Variants in PTPN4 observed in about 807,000 individuals in gnomAD.
PTPN4 encodes tyrosine-protein phosphatase non-receptor type 4.
PTPN4 carries 49 observed loss-of-function variants against 135.5 expected under a neutral mutation model. The observed-to-expected ratio is 0.36, with a 90% CI of 0.29 to 0.46. The LOEUF (loss-of-function observed/expected upper bound fraction) is 0.46, where lower values mean the gene tolerates loss of function less well. Ranked by LOEUF, PTPN4 falls within the 20% of genes least tolerant of loss-of-function variation. PTPN4 has a pLI of 1.00. For synonymous variants in PTPN4, 333 were observed against 369.9 expected (o/e 0.90, Z 1.14); for missense variants, 860 against 1,101.0 (o/e 0.78, Z 3.10).
At chr2:119,853,502 A>G (rs1048189165) in intron 2 of PTPN4, among the ~76,000 whole-genome samples, 3 of 151,996 alleles carry the variant, frequency 2.0e-5, no homozygotes, top group African/African-American at 7.2e-5. Context: ...AAAATTTTTT[A>G]TGCTATATCA....
intron 2 of PTPN4, among the ~76,000 whole-genome samples, chr2:119,852,251 A>G (rs1287572359): frequency 6.6e-6 from 1 of 151,962 alleles, no homozygotes; most frequent in Non-Finnish European, 1.5e-5. Flanking sequence ...CCTATTTGGG[A>G]AAAAAAATTA....
At chr2:119,812,185 T>C (rs113587490) in intron 2 of PTPN4, among the ~76,000 whole-genome samples, 3,532 of 152,304 alleles carry the variant, frequency 0.023, 126 homozygotes, top group African/African-American at 0.077. Flanking sequence ...TCTCCAGTTA[T>C]GTACTTTACA....
chr2:119,781,229 A>G (rs1690931698), intron 1 of PTPN4, among the ~76,000 whole-genome samples: 1 of 152,082 alleles, frequency 6.6e-6, no homozygotes, highest in East Asian at 1.9e-4. Flanking sequence ...TTTTTTCTCC[A>G]GAGTCCTAAT....
intron 4 of PTPN4, 33 bp downstream of exon 4, chr2:119,877,398 G>T: frequency 6.2e-7 from 1 of 1,609,132 alleles, no homozygotes; most frequent in Non-Finnish European, 8.5e-7. Flanking sequence ...TGTTTTGCAA[G>T]TTTACTTTAT....
At chr2:119,866,509 T>C (rs1452788858) in intron 3 of PTPN4, among the ~76,000 whole-genome samples, 6 of 152,064 alleles carry the variant, frequency 3.9e-5, no homozygotes, top group African/African-American at 1.2e-4. Flanking sequence ...AATCAGAAGG[T>C]CTACTTTGGA....
intron 23 of PTPN4, among the ~76,000 whole-genome samples, chr2:119,961,455 C>T (rs1215109342): frequency 2.0e-5 from 3 of 152,104 alleles, no homozygotes; most frequent in Non-Finnish European, 2.9e-5. Context: ...CAGAACCCTC[C>T]TATTGTGGGT....
Position 119,934,822 on chromosome 2 carries a change from G to C in PTPN4, c.1219G>C (p.Glu407Gln), listed in dbSNP as rs1678957588. 6.2e-7 allele frequency: 1 copy of C among 1,613,906 alleles called. No homozygotes were observed. The highest frequency in any genetic ancestry group is 2.2e-5 in the East Asian group (1 of 44,858). ...PNHRNSTFTQEGTRLRPSSVG... is the reference protein window; with the variant it reads ...PNHRNSTFTQQGTRLRPSSVG... ...TAGTCGAAATTCTACATTCACGCAG[G>C]AAGGAACCCGGTTACGACCATCTTC... is the stretch of plus-strand genomic sequence containing the variant. Residue 407 changes from glutamate to glutamine, a missense_variant, in exon 15 of 27, where the codon GAA becomes CAA. Physicochemically the swap from Glu to Gln is conservative, Grantham distance 29. Around this residue, in one of 2 missense-constraint regions of PTPN4, gnomAD observed 684 missense variants for 807.0 expected, o/e 0.85. Transcript: ENST00000263708.
chr2:119,839,597 C>T (rs1677348945), intron 2 of PTPN4, among the ~76,000 whole-genome samples: 3 of 152,116 alleles, frequency 2.0e-5, no homozygotes, highest in Non-Finnish European at 4.4e-5. Flanking sequence ...AAAAATAAAA[C>T]TGCAAGCAGG....
intron 11 of PTPN4, among the ~76,000 whole-genome samples, chr2:119,919,234 T>C (rs924690883): frequency 6.6e-6 from 1 of 152,248 alleles, no homozygotes; most frequent in African/African-American, 2.4e-5. Flanking sequence ...GGAAATTATT[T>C]ATTTAGAAAT....
intron 2 of PTPN4, among the ~76,000 whole-genome samples, chr2:119,852,631 G>A (rs1677609754): frequency 6.6e-6 from 1 of 151,702 alleles, no homozygotes; most frequent in Non-Finnish European, 1.5e-5. Context: ...TCTATTTTTT[G>A]TTTTCAAATA....
chr2:119,768,578 C>T (rs921695643), intron 1 of PTPN4, among the ~76,000 whole-genome samples: 3 of 152,148 alleles, frequency 2.0e-5, no homozygotes, highest in African/African-American at 7.2e-5. Flanking sequence ...AGCCTTTTCC[C>T]TTTCTGTATT....
At chr2:119,788,867 T>C (rs868439898) in intron 1 of PTPN4, among the ~76,000 whole-genome samples, 4 of 152,218 alleles carry the variant, frequency 2.6e-5, no homozygotes, top group Admixed American at 1.3e-4. Flanking sequence ...TTGTGAATAA[T>C]GCTGTTGTGA....
chr2:119,807,626 A>C (rs1302611271), intron 1 of PTPN4, among the ~76,000 whole-genome samples: 1 of 152,260 alleles, frequency 6.6e-6, no homozygotes, highest in Non-Finnish European at 1.5e-5. Flanking sequence ...ACGGATTCAT[A>C]GCCGAATTCT....
At chr2:119,771,994 T>G (rs1431729555) in intron 1 of PTPN4, among the ~76,000 whole-genome samples, 4 of 152,226 alleles carry the variant, frequency 2.6e-5, no homozygotes, top group Non-Finnish European at 5.9e-5. Flanking sequence ...GAAGGAGTTT[T>G]CCAAGGGGAT....
chr2:119,819,239 C>T (rs1467336894), intron 2 of PTPN4, among the ~76,000 whole-genome samples: 1 of 152,074 alleles, frequency 6.6e-6, no homozygotes, highest in Non-Finnish European at 1.5e-5. Flanking sequence ...CCCTTTTCTC[C>T]CAAAGATCAT....
At chr2:119,958,957 A>T (rs993030956) in intron 22 of PTPN4, among the ~76,000 whole-genome samples, 2 of 152,160 alleles carry the variant, frequency 1.3e-5, no homozygotes, top group African/African-American at 4.8e-5. Context: ...CAGTAAAAAA[A>T]CCCAAAAGGT....
At chr2:119,883,992 C>T (rs1015389149) in intron 8 of PTPN4, among the ~76,000 whole-genome samples, 4 of 152,194 alleles carry the variant, frequency 2.6e-5, no homozygotes, top group South Asian at 2.1e-4. Context: ...CTCCGCCTCC[C>T]GGGTTCATGC....
intron 2 of PTPN4, among the ~76,000 whole-genome samples, chr2:119,813,119 G>A (rs1353317941): frequency 2.0e-5 from 3 of 152,152 alleles, no homozygotes; most frequent in African/African-American, 4.8e-5. Flanking sequence ...TCAAAGGCTG[G>A]AGGCTAGAAT....
chr2:119,852,403 A>G (rs1226529382), intron 2 of PTPN4, among the ~76,000 whole-genome samples: 1 of 152,232 alleles, frequency 6.6e-6, no homozygotes, highest in Non-Finnish European at 1.5e-5. Context: ...TAACAGGTGC[A>G]GGCAACACCC....
Sources: gnomAD v4.1 joint callset for allele counts (sites outside exome capture counted in the v4.1 genomes callset) on GRCh38, gnomAD v4.1.1 for gene constraint, gnomAD v4.1.1 regional missense constraint, MANE v1.5 for transcripts, NCBI Gene and HGNC (gene_info 2026-07-23, HGNC 2026-07-21) for gene names.